Variants in PTDSS2 observed in about 807,000 individuals in gnomAD.
The protein encoded by PTDSS2 is phosphatidylserine synthase 2.
In PTDSS2, 41 loss-of-function variants were observed where a neutral mutation model predicts 64.7. The observed-to-expected ratio is 0.63, with a 90% CI of 0.49 to 0.82. The LOEUF is 0.82. PTDSS2 is among the 40% of genes least tolerant of loss of function. The pLI is 0.00. For synonymous variants in PTDSS2, 297 were observed against 277.8 expected (o/e 1.07, Z -0.69); for missense variants, 485 against 650.0 (o/e 0.75, Z 2.76).
chr11:480,740 A>G (rs891236218), intron 4 of PTDSS2: 3 of 152,272 alleles, frequency 2.0e-5, no homozygotes, highest in African/African-American at 7.3e-5. Context: ...TTGTATTTTT[A>G]GTTTCATCTT....
At chr11:469,152 A>G (rs1349227686) in intron 2 of PTDSS2, among the ~76,000 whole-genome samples, 1 of 104,046 alleles carries the variant, frequency 9.6e-6, no homozygotes, top group Non-Finnish European at 1.9e-5. Flanking sequence ...TCTCTGGGTA[A>G]TTGGAAGGAG....
At chr11:489,087 C>G (rs1848543687) in intron 8 of PTDSS2, among the ~76,000 whole-genome samples, 1 of 152,258 alleles carries the variant, frequency 6.6e-6, no homozygotes, top group African/African-American at 2.4e-5. Flanking sequence ...ATGGCTAGCT[C>G]ACGGCACCGT....
Position 489,421 on chromosome 11 carries a change from C to T in PTDSS2, c.876C>T (p.Ala292=), listed in dbSNP as rs763093548. ...PTYKGKMKRI[A]FQFTPYSWVR... Reference sequence around the variant, plus strand: ...CCAGGGGCAAGATGAAGAGGATCGCCTTCCAGTTCACGCCGTACAGCTGGG... The same window carrying T: ...CCAGGGGCAAGATGAAGAGGATCGCTTTCCAGTTCACGCCGTACAGCTGGG... Residue 292 remains alanine (A), a synonymous_variant, in exon 9 of 12, where the codon GCC becomes GCT. Transcript: ENST00000308020. 3 of 1,613,290 alleles carry T rather than the reference C, an allele frequency of 1.9e-6. No homozygotes were observed. The highest frequency in any genetic ancestry group is 2.5e-6 in the Non-Finnish European group (3 of 1,179,844).
At chr11:464,661 C>T (rs1847061121) in intron 2 of PTDSS2, among the ~76,000 whole-genome samples, 1 of 152,212 alleles carries the variant, frequency 6.6e-6, no homozygotes, top group Admixed American at 6.5e-5. Context: ...CACTGGGGAG[C>T]TTCCGTTGCG....
chr11:457,294 T>G (rs1210686144), intron 1 of PTDSS2, among the ~76,000 whole-genome samples: 1 of 152,224 alleles, frequency 6.6e-6, no homozygotes, highest in Admixed American at 6.5e-5. Context: ...CACCAGAACA[T>G]TCCATCATCC....
In PTDSS2 at chr11:489,526, C is replaced by T; in HGVS notation, c.969+12C>T. The T allele has an allele frequency of 6.2e-7, 1 of 1,611,838 alleles. No homozygotes were observed. The highest frequency in any genetic ancestry group is 8.5e-7 in the Non-Finnish European group (1 of 1,178,832). On this transcript the variant is annotated intron_variant, in intron 9 of 11. Transcript: ENST00000308020. ...GCATCATCCTGGTGGTAAGGCCGGG[C>T]TGCCTCGCGACGGCGCGGCGGGCGG...
chr11:462,532 G>A lies in PTDSS2; in HGVS notation c.284+2244G>A, dbSNP rs1378312041. 1.3e-5 allele frequency among the ~76,000 whole-genome samples: 2 copies of A among 152,212 alleles called. No homozygotes were observed. The highest frequency in any genetic ancestry group is 2.9e-5 in the Non-Finnish European group (2 of 68,036). ...AGCCACCTGTCCTTCTCTGCTGCTG[G>A]CACCTAGAACCTGCTCTGGGCTCCT... On this transcript the variant is annotated intron_variant, in intron 2 of 11. Coordinates refer to ENST00000308020, the MANE Select transcript of PTDSS2 (RefSeq NM_030783.3). This position sits in a 1 kb window ranked among gnomAD's most constrained non-coding sequence, Gnocchi z 4.5.
At chr11:454,572 C>T (rs557433791) in intron 1 of PTDSS2, among the ~76,000 whole-genome samples, 3 of 152,074 alleles carry the variant, frequency 2.0e-5, no homozygotes, top group South Asian at 2.1e-4. Context: ...TTTGGGAGGC[C>T]GAGGCAGGTG....
At chr11:487,188 T>G in intron 5 of PTDSS2, 115 bp downstream of exon 5, 1 of 1,103,416 alleles carries the variant, frequency 9.1e-7, no homozygotes, top group Non-Finnish European at 1.3e-6. Context: ...GGTCTCCTGG[T>G]GCAGAGATGT....
At chr11:490,277 C>T in intron 11 of PTDSS2, 143 bp from the exon 12 acceptor site, 1 of 1,262,982 alleles carries the variant, frequency 7.9e-7, no homozygotes, top group Non-Finnish European at 1.1e-6. Flanking sequence ...TCCAGTCTGC[C>T]ACGGCTGCCG....
chr11:456,926 G>A (rs1473187077), intron 1 of PTDSS2, among the ~76,000 whole-genome samples: 2 of 152,140 alleles, frequency 1.3e-5, no homozygotes, highest in African/African-American at 4.8e-5. Context: ...ATTTACCTCT[G>A]GTTGTCTTAA....
intron 2 of PTDSS2, among the ~76,000 whole-genome samples, chr11:465,204 T>C (rs1472851742): frequency 6.6e-6 from 1 of 152,196 alleles, no homozygotes; most frequent in Non-Finnish European, 1.5e-5. Flanking sequence ...TCTCTTTTTG[T>C]TTTTGAGACA....
intron 4 of PTDSS2, 179 bp from the exon 5 acceptor site, chr11:486,760 A>G (rs1350136738): frequency 3.0e-6 from 1 of 330,064 alleles, no homozygotes; most frequent in African/African-American, 2.3e-5. Context: ...AGGCAGGAGA[A>G]TGGCGTGAAC....
At chr11:449,421 G>A (rs774460498), upstream of PTDSS2, among the ~76,000 whole-genome samples, 1 of 152,204 alleles carries the variant, frequency 6.6e-6, no homozygotes, top group Non-Finnish European at 1.5e-5. Context: ...CGCATGCTTC[G>A]CTCCTCTATG....
rs1225898411 is a variant in PTDSS2 at position 471,929 on chromosome 11, T to TGGCCTGGGGTGACGTGGATGGC, written c.285-1953_285-1932dup. ...TGACGCGCACCTGTCGGGCAGATGG[T>TGGCCTGGGGTGACGTGGATGGC]GGCCTGGGGTGACGTGGATGGCGGC... On this transcript the variant is annotated intron_variant, in intron 2 of 11. Coordinates refer to ENST00000308020, the MANE Select transcript of PTDSS2 (RefSeq NM_030783.3). Among the ~76,000 whole-genome samples the TGGCCTGGGGTGACGTGGATGGC allele has an allele frequency of 3.6e-5, 4 of 110,794 alleles. No homozygotes were observed. In the Admixed American group the frequency reaches 4.1e-4, roughly 11 times the overall value. The allele number at this position is 110,794 out of a possible 152,430, so 72.7% of individuals were successfully genotyped here.
At position 486,963 on chromosome 11, in the gene PTDSS2, C is replaced by G; in HGVS notation, c.460C>G (p.Leu154Val). Residue 154 changes from leucine (L) to valine (V), a missense_variant, in exon 5 of 12, where the codon CTA becomes GTA. By Grantham distance (32) the Leu-to-Val change is conservative (BLOSUM62 1). This residue lies in a region of PTDSS2 where 251 missense variants were observed against 348.0 expected (regional missense o/e 0.72). Coordinates refer to ENST00000308020, the MANE Select transcript of PTDSS2 (RefSeq NM_030783.3). Reference protein sequence around the residue: ...FQTVQDGRQFLKYVDPKLGVP... With the variant: ...FQTVQDGRQFVKYVDPKLGVP... ...GACTGTCCAGGACGGCCGGCAGTTT[C>G]TAAAGTATGTTGACCCCAAGCTGGG... 1 of 1,612,994 alleles carries G rather than the reference C, an allele frequency of 6.2e-7. No homozygotes were observed. Among genetic ancestry groups the G allele is most frequent in the Non-Finnish European group, 8.5e-7 (1 of 1,179,814 alleles).
In PTDSS2 at chr11:473,952, C is replaced by T. The variant is rs772898579; in HGVS notation, c.342C>T (p.Asp114=). Residue 114 remains aspartate (D), a synonymous_variant, in exon 3 of 12, where the codon GAC becomes GAT. Transcript: ENST00000308020. ...GTTTTGGAGTCACACAAGCTAAAGA[C>T]GGGCCATTTTCCAGACCTCATCCAG... The part of the protein sequence containing the change: ...FLCFGVTQAK[D]GPFSRPHPAY... 4.2e-5 allele frequency: 67 copies of T among 1,613,860 alleles called. No homozygotes were observed. The highest frequency in any genetic ancestry group is 5.1e-5 in the Non-Finnish European group (60 of 1,179,818).
intron 3 of PTDSS2, among the ~76,000 whole-genome samples, chr11:475,279 C>CATATTCACGCTTTTGTGATACGGAT (rs1847727042): frequency 6.6e-6 from 1 of 150,530 alleles, no homozygotes. Context: ...GTGATACGGC[C>CATATTCACGCTTTTGTGATACGGAT]ATATTCACGC....
intron 6 of PTDSS2, 128 bp from the exon 7 acceptor site, chr11:488,071 G>A (rs561666896): frequency 9.2e-5 from 60 of 648,976 alleles, no homozygotes; most frequent in South Asian, 7.3e-4. Context: ...GCACGCACCC[G>A]TGGGCAGGGC....
Sources: gnomAD v4.1 joint callset for allele counts (sites outside exome capture counted in the v4.1 genomes callset) on GRCh38, gnomAD v4.1.1 for gene constraint, gnomAD v4.1.1 regional missense constraint, Gnocchi (gnomAD v3.1) non-coding constraint, MANE v1.5 for transcripts, NCBI Gene and HGNC (gene_info 2026-07-23, HGNC 2026-07-21) for gene names.